RFX3: variants seen among roughly 807,000 people sequenced by gnomAD.
RFX3 encodes transcription factor RFX3.
Under a neutral mutation model 98.6 loss-of-function variants are expected in RFX3, and 14 were observed. The ratio of observed to expected loss-of-function variants is 0.14; its 90% CI spans 0.09 to 0.22. The LOEUF (loss-of-function observed/expected upper bound fraction) is 0.22, where lower values mean the gene tolerates loss of function less well. Ranked by LOEUF, RFX3 falls within the 10% of genes least tolerant of loss-of-function variation. The probability of loss-of-function intolerance (pLI) is 1.00; values close to 1 mark genes in which losing one functional copy is unlikely to be tolerated. For missense variants in RFX3, 639 were observed against 926.9 expected, an observed-to-expected ratio of 0.69 and a Z score of 4.03; for synonymous variants, 383 against 328.4, an observed-to-expected ratio of 1.17 and a Z score of -1.80.
At chr9:3,274,036 C>A (rs1211870789) in intron 9 of RFX3, among the ~76,000 whole-genome samples, 2 of 152,078 alleles carry the variant, frequency 1.3e-5, no homozygotes. Flanking sequence ...TCCAGAAATT[C>A]TCTAATATGG....
chr9:3,327,120 A>C (rs114040263), intron 4 of RFX3, among the ~76,000 whole-genome samples: 3,229 of 152,222 alleles, frequency 0.021, 118 homozygotes, highest in African/African-American at 0.073. Context: ...GTTCATATAC[A>C]ATCTTTTCTC....
chr9:3,503,036 C>G (rs545132464), intron 1 of RFX3, among the ~76,000 whole-genome samples: 1 of 152,306 alleles, frequency 6.6e-6, no homozygotes, highest in South Asian at 2.1e-4. Flanking sequence ...TCACCAAAGT[C>G]TCTTATACCT....
At position 3,248,131 on chromosome 9, in the gene RFX3, G is replaced by A; in HGVS notation, c.1869C>T (p.Phe623=). ...TLRSAASFGS[F]HLIRLLYDEY... is the part of the protein sequence containing the mutation. ...CGTCGTAGAGTAGACGGATCAGGTG[G>A]AAGGAGCCAAAGCTAGCAGCACTGC... Residue 623 remains phenylalanine, a synonymous_variant, in exon 15 of 17, where the codon TTC becomes TTT. Transcript: ENST00000617270. 3 of 1,613,786 alleles carry A rather than the reference G, an allele frequency of 1.9e-6. No homozygotes were observed. The South Asian group carries it at 3.3e-5, about 18-fold the overall frequency.
intron 2 of RFX3, among the ~76,000 whole-genome samples, chr9:3,348,052 A>G (rs1216126532): frequency 6.6e-6 from 1 of 152,196 alleles, no homozygotes; most frequent in African/African-American, 2.4e-5. Flanking sequence ...CATGGTCTAC[A>G]TAATAATGCA....
intron 5 of RFX3, among the ~76,000 whole-genome samples, chr9:3,300,013 T>C (rs952276795): frequency 6.6e-6 from 1 of 151,500 alleles, no homozygotes; most frequent in East Asian, 1.9e-4. Context: ...TCAGGTTTTT[T>C]TTTTTCTTAT....
At chr9:3,319,089 A>T (rs1830964955) in intron 4 of RFX3, among the ~76,000 whole-genome samples, 1 of 152,232 alleles carries the variant, frequency 6.6e-6, no homozygotes, top group Admixed American at 6.5e-5. Context: ...TTACATTTTC[A>T]AATGGTCTCT....
chr9:3,362,470 T>G (rs1305681748), intron 2 of RFX3, among the ~76,000 whole-genome samples: 2 of 152,346 alleles, frequency 1.3e-5, no homozygotes, highest in East Asian at 3.8e-4. Context: ...GGATATAATT[T>G]TCTTTCATTA....
intron 15 of RFX3, among the ~76,000 whole-genome samples, chr9:3,234,131 CAAAA>C (rs1818830483): frequency 6.6e-6 from 1 of 152,048 alleles, no homozygotes; most frequent in Non-Finnish European, 1.5e-5. Flanking sequence ...ACCCAGGAAA[CAAAA>C]TAAAACAAAA....
At chr9:3,275,250 AC>A (rs1236698826) in intron 9 of RFX3, among the ~76,000 whole-genome samples, 1 of 152,122 alleles carries the variant, frequency 6.6e-6, no homozygotes, top group Non-Finnish European at 1.5e-5. Flanking sequence ...TGGAATTGCT[AC>A]GCCAAAGGAT....
intron 1 of RFX3, among the ~76,000 whole-genome samples, chr9:3,515,185 T>C (rs28510559): frequency 0.14 from 21,233 of 152,212 alleles, 2,582 homozygotes; most frequent in East Asian, 0.58. Context: ...GCTTATGAAC[T>C]AGATTTTCTC....
chr9:3,320,768 CATATATATATATAT>C (rs34990458), intron 4 of RFX3, among the ~76,000 whole-genome samples: 10,064 of 85,878 alleles, frequency 0.12, 540 homozygotes, highest in South Asian at 0.23. Flanking sequence ...TGCTACATAG[CATATATATATATAT>C]ATATATATAT....
At chr9:3,430,972 G>T in intron 1 of RFX3, among the ~76,000 whole-genome samples, 1 of 152,140 alleles carries the variant, frequency 6.6e-6, no homozygotes, top group East Asian at 1.9e-4. Context: ...AAAGAACTTA[G>T]AATGCACACG....
chr9:3,259,724 T>C (rs1330861890), intron 13 of RFX3, among the ~76,000 whole-genome samples: 1 of 151,922 alleles, frequency 6.6e-6, no homozygotes. Context: ...AGGAAACCAG[T>C]TATACTGCAA....
intron 2 of RFX3, among the ~76,000 whole-genome samples, chr9:3,372,550 CTT>C (rs553629010): frequency 1.3e-4 from 17 of 135,586 alleles, no homozygotes; most frequent in East Asian, 2.1e-4. Flanking sequence ...TTCTTTCTTT[CTT>C]TTTTTTTTTT....
intron 5 of RFX3, among the ~76,000 whole-genome samples, chr9:3,296,792 G>C (rs1179529852): frequency 6.6e-6 from 1 of 152,004 alleles, no homozygotes; most frequent in African/African-American, 2.4e-5. Flanking sequence ...AGCCCTGCAG[G>C]TCCCAGCTAG....
At chr9:3,290,133 A>G (rs1035218980) in intron 6 of RFX3, among the ~76,000 whole-genome samples, 28 of 151,894 alleles carry the variant, frequency 1.8e-4, no homozygotes, top group Non-Finnish European at 1.0e-4. Context: ...CTCCCTCCAT[A>G]GTACTTATTT....
chr9:3,248,307 C>G lies in RFX3; in HGVS notation c.1815-122G>C, dbSNP rs551877321. The G allele has an allele frequency of 2.1e-5, 26 of 1,247,960 alleles. No individual in the cohort carries two copies. The African/African-American group carries it at 3.5e-4, about 17-fold the overall frequency. The allele number at this position is 1,247,960 out of a possible 1,614,324, so 77.3% of individuals were successfully genotyped here. A position where few individuals can be genotyped will look rare whatever the true frequency, so the allele number is the denominator to read the frequency against. ...CTATATGGTTGGTATAGTATAAAACCTGCCATGAAAGCATTTCATTATTGA... is the reference window on the plus strand; with the variant it reads ...CTATATGGTTGGTATAGTATAAAACGTGCCATGAAAGCATTTCATTATTGA... On this transcript the variant is annotated intron_variant, in intron 14 of 16. Transcript: ENST00000617270.
intron 14 of RFX3, among the ~76,000 whole-genome samples, chr9:3,256,617 A>C (rs1280628637): frequency 6.6e-6 from 1 of 152,194 alleles, no homozygotes; most frequent in Non-Finnish European, 1.5e-5. Context: ...GAGAACAAAA[A>C]GGAGACTAGT....
In RFX3 at chr9:3,490,354, T is replaced by C. The variant is rs955683425; in HGVS notation, c.-9+35393A>G. 3 of 976,008 alleles carry C rather than the reference T, an allele frequency of 3.1e-6. No individual in the cohort carries two copies. Among genetic ancestry groups the C allele is most frequent in the Admixed American group, 6.2e-5 (1 of 16,236 alleles). 60.5% of individuals were successfully genotyped at this position (976,008 alleles called of 1,614,324 possible). ...CAGAATGACCAAGTGGCCTAAAATA[T>C]TAAAAGCAAGAACAATTAGTTCACA... On this transcript the variant is annotated intron_variant, in intron 1 of 16. Coordinates refer to ENST00000617270, the MANE Select transcript of RFX3 (RefSeq NM_001282116.2).
Sources: allele counts gnomAD v4.1 joint callset (sites outside exome capture counted in the v4.1 genomes callset), GRCh38; gene constraint gnomAD v4.1.1; transcripts MANE v1.5; gene names NCBI Gene and HGNC (gene_info 2026-07-23, HGNC 2026-07-21).